The following ADAM32 variants were observed in gnomAD, a reference collection of about 807,000 sequenced individuals.
ADAM32 encodes ADAM metallopeptidase domain 32, also known as disintegrin and metalloproteinase domain-containing protein 32.
Under a neutral mutation model 114.9 loss-of-function variants are expected in ADAM32, and 89 were observed. The ratio of observed to expected loss-of-function variants is 0.77; its 90% CI spans 0.65 to 0.92. The LOEUF is 0.92. Ranked by LOEUF, ADAM32 falls within the 40% of genes least tolerant of loss-of-function variation. The probability of loss-of-function intolerance (pLI) is 0.00; values close to 1 mark genes in which losing one functional copy is unlikely to be tolerated. For synonymous variants in ADAM32, 285 were observed against 307.5 expected, an observed-to-expected ratio of 0.93 and a Z score of 0.77; for missense variants, 870 against 932.8, an observed-to-expected ratio of 0.93 and a Z score of 0.88.
chr8:39,251,828 C>G (rs536337044), intron 17 of ADAM32, among the ~76,000 whole-genome samples: 1 of 151,668 alleles, frequency 6.6e-6, no homozygotes, highest in Non-Finnish European at 1.5e-5. Flanking sequence ...TACATTTTCT[C>G]CTGGTAATTT....
chr8:39,121,772 G>C (rs945833948), intron 2 of ADAM32, among the ~76,000 whole-genome samples: 2 of 152,082 alleles, frequency 1.3e-5, no homozygotes, highest in African/African-American at 4.8e-5. Flanking sequence ...CAGGAACAAG[G>C]CTGTCACCCA....
intron 19 of ADAM32, among the ~76,000 whole-genome samples, chr8:39,258,284 C>T (rs555320650): frequency 4.1e-4 from 62 of 151,248 alleles, no homozygotes; most frequent in African/African-American, 1.5e-3. Flanking sequence ...GTCTTTTTAC[C>T]TTTGCTCTGT....
At chr8:39,187,243 GATATATTAGCAAAAGA>G (rs1332550980) in intron 11 of ADAM32, among the ~76,000 whole-genome samples, 198 bp downstream of exon 11, 1 of 152,080 alleles carries the variant, frequency 6.6e-6, no homozygotes, top group Non-Finnish European at 1.5e-5. Flanking sequence ...CAATCTGAAA[GATATATTAGCAAAAGA>G]ATATGAAAGC....
chr8:39,179,768 G>A (rs549954886), intron 10 of ADAM32, among the ~76,000 whole-genome samples: 24 of 152,292 alleles, frequency 1.6e-4, no homozygotes, highest in Non-Finnish European at 2.5e-4. Context: ...GGGTCAAGCC[G>A]TCTGCCTAGT....
chr8:39,221,849 A>G (rs1172125341), intron 13 of ADAM32, 147 bp downstream of exon 13: 1 of 620,126 alleles, frequency 1.6e-6, no homozygotes, highest in African/African-American at 1.9e-5. Context: ...CAGATTTCTG[A>G]TTTTTATTAA....
chr8:39,135,280 C>A (rs999528227), intron 2 of ADAM32, among the ~76,000 whole-genome samples: 7 of 152,212 alleles, frequency 4.6e-5, no homozygotes, highest in African/African-American at 1.7e-4. Flanking sequence ...GGATGCCCTG[C>A]TGTTTCAGGG....
chr8:39,150,802 A>T (rs966452871), intron 5 of ADAM32, among the ~76,000 whole-genome samples: 3 of 152,204 alleles, frequency 2.0e-5, no homozygotes, highest in African/African-American at 7.2e-5. Flanking sequence ...TCTTGCTTTT[A>T]ATTTCTTATT....
chr8:39,246,235 G>A lies in ADAM32; in HGVS notation c.1902+69G>A, dbSNP rs1165939020. 9 of 1,451,784 alleles carry A rather than the reference G, an allele frequency of 6.2e-6. No individual in the cohort carries two copies. The East Asian group carries it at 1.6e-4, about 26-fold the overall frequency. The allele number at this position is 1,451,784 out of a possible 1,614,324, so 89.9% of individuals were successfully genotyped here. On this transcript the variant is annotated intron_variant, in intron 17 of 24. Transcript: ENST00000379907. ...TTTTTGCATCACTCATTAATTTACT[G>A]ACATTTTTTGGGTCACTACCATGTG...
At chr8:39,125,539 T>G (rs1157090697) in intron 2 of ADAM32, among the ~76,000 whole-genome samples, 1 of 152,188 alleles carries the variant, frequency 6.6e-6, no homozygotes, top group Non-Finnish European at 1.5e-5. Context: ...GAATGAGTTC[T>G]TCATCCTAGG....
At chr8:39,241,520 C>T (rs1350736954) in intron 16 of ADAM32, among the ~76,000 whole-genome samples, 1 of 152,242 alleles carries the variant, frequency 6.6e-6, no homozygotes, top group Non-Finnish European at 1.5e-5. Context: ...GGCAGAGGTT[C>T]CCAAATCTTG....
intron 3 of ADAM32, among the ~76,000 whole-genome samples, chr8:39,146,845 CTACCTTTAT>C (rs1803537008): frequency 1.3e-5 from 2 of 152,278 alleles, no homozygotes; most frequent in Admixed American, 6.5e-5. Context: ...AAAGAAAATA[CTACCTTTAT>C]ATCAGGTTGA....
At chr8:39,149,901 G>T (rs780164234) in intron 5 of ADAM32, 34 bp downstream of exon 5, 1 of 1,537,852 alleles carries the variant, frequency 6.5e-7, no homozygotes, top group Non-Finnish European at 8.9e-7. Context: ...GAACACCTTA[G>T]TTATGATATT....
At chr8:39,241,496 T>G (rs1810550451) in intron 16 of ADAM32, among the ~76,000 whole-genome samples, 1 of 152,186 alleles carries the variant, frequency 6.6e-6, no homozygotes, top group African/African-American at 2.4e-5. Context: ...CACTCATACA[T>G]CCTTTGAAAT....
chr8:39,216,075 G>A (rs543778574), intron 12 of ADAM32, among the ~76,000 whole-genome samples: 1 of 152,050 alleles, frequency 6.6e-6, no homozygotes, highest in East Asian at 1.9e-4. Context: ...ATATATCTGG[G>A]TGCTCCAGTG....
intron 2 of ADAM32, among the ~76,000 whole-genome samples, chr8:39,121,394 G>A (rs1759874481): frequency 2.0e-5 from 3 of 151,894 alleles, no homozygotes; most frequent in South Asian, 2.1e-4. Flanking sequence ...AGTAGGAGTC[G>A]AGCAATGAGA....
At chr8:39,254,971 T>C (rs550461393) in intron 18 of ADAM32, among the ~76,000 whole-genome samples, 8 of 151,920 alleles carry the variant, frequency 5.3e-5, no homozygotes, top group Non-Finnish European at 1.2e-4. Flanking sequence ...TATTTGGTTT[T>C]CCATTCTTCA....
Position 39,169,961 on chromosome 8 carries a change from A to C in ADAM32, c.879A>C (p.Thr293=). Residue 293 remains threonine, a synonymous_variant, in exon 10 of 25, where the codon ACA becomes ACC. Transcript: ENST00000379907. Reference sequence around the variant, plus strand: ...ATTTGGGAGCAGTGTTTCCTGGAACAATGTGTATTACTCGTTATTCTGCAG... The same window carrying C: ...ATTTGGGAGCAGTGTTTCCTGGAACCATGTGTATTACTCGTTATTCTGCAG... ...PRYLGAVFPG[T]MCITRYSAGV... The C allele has an allele frequency of 6.2e-7, 1 of 1,602,542 alleles. No individual in the cohort carries two copies. Among genetic ancestry groups the C allele is most frequent in the African/African-American group, 1.3e-5 (1 of 74,914 alleles).
intron 2 of ADAM32, among the ~76,000 whole-genome samples, chr8:39,118,862 G>A (rs1840483051): frequency 6.6e-6 from 1 of 152,132 alleles, no homozygotes; most frequent in African/African-American, 2.4e-5. Context: ...CCACAGTCCA[G>A]TTGTAGAATG....
At chr8:39,245,611 G>A (rs775206262) in intron 16 of ADAM32, among the ~76,000 whole-genome samples, 13 of 152,120 alleles carry the variant, frequency 8.5e-5, no homozygotes, top group Non-Finnish European at 1.2e-4. Context: ...TAGGGAGAAG[G>A]CAAGTCTAGA....
Sources: gnomAD v4.1 joint callset for allele counts (sites outside exome capture counted in the v4.1 genomes callset) on GRCh38, gnomAD v4.1.1 for gene constraint, MANE v1.5 for transcripts, NCBI Gene and HGNC (gene_info 2026-07-23, HGNC 2026-07-21) for gene names.